BTG4: variants seen among roughly 807,000 people sequenced by gnomAD.
BTG4 encodes BTG anti-proliferation factor 4.
Under a neutral mutation model 19.3 loss-of-function variants are expected in BTG4, and 10 were observed. That is an observed-to-expected ratio of 0.52 (90% CI 0.32 to 0.88). The LOEUF (loss-of-function observed/expected upper bound fraction) is 0.88. BTG4 is among the 40% of genes least tolerant of loss of function. The probability of loss-of-function intolerance (pLI) is 0.04; values close to 1 mark genes in which losing one functional copy is unlikely to be tolerated. For missense variants in BTG4, 238 were observed against 281.9 expected, an observed-to-expected ratio of 0.84 and a Z score of 1.11; for synonymous variants, 91 against 95.7, an observed-to-expected ratio of 0.95 and a Z score of 0.29.
At chr11:111,504,229 AAT>A (rs1866284048) in intron 1 of BTG4, among the ~76,000 whole-genome samples, 1 of 152,132 alleles carries the variant, frequency 6.6e-6, no homozygotes, top group South Asian at 2.1e-4. Flanking sequence ...TTTATAAAAT[AAT>A]GAACTGATTC....
chr11:111,401,467 G>A, the BTG4 span, among the ~76,000 whole-genome samples: 271 of 147,570 alleles, frequency 1.8e-3, 3 homozygotes, highest in African/African-American at 6.6e-3. Context: ...GGGAGACAGA[G>A]CGAGACTCCG....
chr11:111,450,514 G>C, the BTG4 span: 1 of 152,508 alleles, frequency 6.6e-6, no homozygotes, highest in African/African-American at 2.4e-5. Context: ...TGCAAGCCTT[G>C]TCCTTACCAG....
the BTG4 span, among the ~76,000 whole-genome samples, chr11:111,405,631 A>G: frequency 6.6e-6 from 1 of 152,070 alleles, no homozygotes; most frequent in Admixed American, 6.5e-5. Context: ...TGCCACTGCC[A>G]GAGTTCAGGG....
intron 3 of BTG4, 70 bp downstream of exon 3, chr11:111,497,928 A>G: frequency 6.6e-7 from 1 of 1,505,866 alleles, no homozygotes; most frequent in Non-Finnish European, 9.0e-7. Flanking sequence ...ATCTTTCATG[A>G]AGGTATGTAA....
At chr11:111,446,632 C>A in the BTG4 span, among the ~76,000 whole-genome samples, 1 of 151,422 alleles carries the variant, frequency 6.6e-6, no homozygotes, top group Non-Finnish European at 1.5e-5. Context: ...TAAACACACA[C>A]ACACACACAC....
chr11:111,438,829 G>A, the BTG4 span, among the ~76,000 whole-genome samples: 6 of 152,154 alleles, frequency 3.9e-5, no homozygotes, highest in African/African-American at 1.4e-4. Context: ...CCCTGGATAT[G>A]TGAACCTCCC....
intron 5 of BTG4, among the ~76,000 whole-genome samples, chr11:111,485,602 T>C (rs1220627742): frequency 2.0e-5 from 3 of 152,134 alleles, no homozygotes; most frequent in Non-Finnish European, 4.4e-5. Context: ...AAAGCAGTAC[T>C]AGGAGTGCTA....
In BTG4 at chr11:111,487,960, A is replaced by G. The variant is rs570900385; in HGVS notation, c.662+7203T>C. Among the ~76,000 whole-genome samples the G allele has an allele frequency of 3.0e-4, 46 of 152,330 alleles. No individual in the cohort carries two copies. In the Middle Eastern group the frequency reaches 0.014, roughly 45 times the overall value. ...ATATTAATGAAAGAAATTGAAGAGC[A>G]CACAAAAAATGGAGACGTTCCATGT... On this transcript the variant is annotated intron_variant, in intron 5 of 5. Coordinates refer to the BTG4 transcript ENST00000356018.
chr11:111,443,537 T>C, the BTG4 span, among the ~76,000 whole-genome samples: 1 of 152,124 alleles, frequency 6.6e-6, no homozygotes, highest in Non-Finnish European at 1.5e-5. Context: ...AATAAAGTTT[T>C]TCAAAAAAAT....
At chr11:111,404,182 G>A in the BTG4 span, among the ~76,000 whole-genome samples, 521 of 152,276 alleles carry the variant, frequency 3.4e-3, 11 homozygotes, top group East Asian at 0.06. Context: ...CTGCCACCAT[G>A]TAAGACATGC....
chr11:111,451,553 T>G, the BTG4 span: 1 of 334,588 alleles, frequency 3.0e-6, no homozygotes, highest in Non-Finnish European at 6.5e-6. Context: ...ATCACCTGGG[T>G]CGGAAGTTCG....
intron 1 of BTG4, among the ~76,000 whole-genome samples, chr11:111,510,064 A>G (rs185956802): frequency 0.025 from 3,729 of 151,166 alleles, 85 homozygotes; most frequent in Middle Eastern, 0.085. Context: ...GGCGCGCACC[A>G]CCACGCCCAG....
the BTG4 span, among the ~76,000 whole-genome samples, chr11:111,461,334 G>A: frequency 1.3e-5 from 2 of 152,204 alleles, no homozygotes; most frequent in Non-Finnish European, 2.9e-5. Context: ...CTGCCGCCAC[G>A]TGCCTGTCTC....
chr11:111,439,197 T>C, the BTG4 span, among the ~76,000 whole-genome samples: 1 of 152,232 alleles, frequency 6.6e-6, no homozygotes, highest in Admixed American at 6.5e-5. Context: ...TTAATCTCCT[T>C]AATACAAAAG....
intron 5 of BTG4, among the ~76,000 whole-genome samples, chr11:111,473,662 G>A (rs1462146082): frequency 6.6e-6 from 1 of 152,106 alleles, no homozygotes; most frequent in Non-Finnish European, 1.5e-5. Context: ...GGTCATCAGG[G>A]AAATTTAAAA....
intron 5 of BTG4, chr11:111,470,089 T>C (rs1480290900): frequency 6.6e-6 from 1 of 152,506 alleles, no homozygotes; most frequent in African/African-American, 2.4e-5. Flanking sequence ...AAGCCACATA[T>C]GACAATATTT....
chr11:111,413,390 T>C, the BTG4 span, among the ~76,000 whole-genome samples: 1 of 152,182 alleles, frequency 6.6e-6, no homozygotes, highest in Admixed American at 6.5e-5. Flanking sequence ...ACACGCCGGT[T>C]TGAGAAGCAC....
the BTG4 span, chr11:111,451,091 C>T: frequency 5.3e-6 from 1 of 188,526 alleles, no homozygotes; most frequent in Non-Finnish European, 1.2e-5. Flanking sequence ...CAATGATACC[C>T]TGGCCTTCCT....
chr11:111,433,803 T>C, the BTG4 span, among the ~76,000 whole-genome samples: 2 of 152,146 alleles, frequency 1.3e-5, no homozygotes, highest in East Asian at 1.9e-4. Flanking sequence ...ATGAAAAAAA[T>C]GCTCATCACT....
Sources: allele counts gnomAD v4.1 joint callset (sites outside exome capture counted in the v4.1 genomes callset), GRCh38; gene constraint gnomAD v4.1.1; transcripts MANE v1.5; gene names NCBI Gene and HGNC (gene_info 2026-07-23, HGNC 2026-07-21).